KAT6B: variants seen among roughly 807,000 people sequenced by gnomAD.
KAT6B encodes the protein histone acetyltransferase KAT6B.
KAT6B carries 10 observed loss-of-function variants against 187.5 expected under a neutral mutation model. The observed-to-expected ratio is 0.05, with a 90% CI of 0.03 to 0.09. The LOEUF (loss-of-function observed/expected upper bound fraction) is 0.09, where lower values mean the gene tolerates loss of function less well. KAT6B is among the 10% of genes least tolerant of loss of function. The pLI is 1.00. For synonymous variants in KAT6B, 861 were observed against 926.8 expected, an observed-to-expected ratio of 0.93 and a Z score of 1.29; for missense variants, 1,952 against 2,558.9, an observed-to-expected ratio of 0.76 and a Z score of 5.12.
rs937708911 is a variant in KAT6B, at chr10:75,030,712, G to C, written c.5888G>C (p.Arg1963Thr). ...CCTGCACGGACTTTAACGATGCAAA[G>C]AGGCATGAACATGAGTGTGAACCTG... ...QGPARTLTMQ[R>T]GMNMSVNLMP... The change falls in exon 18 of 18, where the codon AGA becomes ACA. Residue 1963 changes from arginine (R) to threonine (T), a missense_variant. By Grantham distance (71) the Arg-to-Thr change is moderately conservative (BLOSUM62 -1). Transcript: ENST00000287239. The surrounding 1 kb of genome is among the most constrained non-coding windows in gnomAD (Gnocchi z 4.8). 2 of 1,614,232 alleles carry C rather than the reference G, an allele frequency of 1.2e-6. No individual in the cohort carries two copies. Among genetic ancestry groups the C allele is most frequent in the Non-Finnish European group, 1.7e-6 (2 of 1,180,040 alleles).
intron 3 of KAT6B, among the ~76,000 whole-genome samples, chr10:74,877,313 A>G (rs369447558): frequency 1.3e-5 from 2 of 152,220 alleles, no homozygotes; most frequent in Non-Finnish European, 2.9e-5. Context: ...TAAAAATCTC[A>G]GTTGAAGCTT....
Position 75,022,042 on chromosome 10 carries a change from G to C in KAT6B, c.3183G>C (p.Leu1061=), listed in dbSNP as rs775641543. The change falls in exon 16 of 18, where the codon CTG becomes CTC. Residue 1061 remains leucine (L), a synonymous_variant. Transcript: ENST00000287239. The part of the protein sequence containing the change: ...SRPVTGERGQ[L]LELSKESSEE... ...CAGTCACAGGGGAGCGAGGGCAGCT[G>C]CTGGAGCTGTCTAAAGAGAGCAGTG... 1 of 1,614,030 alleles carries C rather than the reference G, an allele frequency of 6.2e-7. No individual in the cohort carries two copies. The highest frequency in any genetic ancestry group is 1.7e-5 in the Admixed American group (1 of 60,006).
chr10:74,884,013 G>A (rs2132552576), intron 3 of KAT6B, among the ~76,000 whole-genome samples: 1 of 152,274 alleles, frequency 6.6e-6, no homozygotes, highest in South Asian at 2.1e-4. Context: ...TATTTTATCT[G>A]CTAAGAGACA....
At chr10:74,977,490 T>G in intron 9 of KAT6B, 53 bp downstream of exon 9, 4 of 1,596,060 alleles carry the variant, frequency 2.5e-6, no homozygotes, top group Middle Eastern at 1.7e-4. Flanking sequence ...GGCTTCTAAC[T>G]ATTAATATGG....
chr10:74,922,674 T>G lies in KAT6B; in HGVS notation c.622-37296T>G, dbSNP rs368402059. 2.7e-4 allele frequency among the ~76,000 whole-genome samples: 41 copies of G among 152,332 alleles called. 1 individual carries two copies. The South Asian group carries it at 8.5e-3, about 32-fold the overall frequency. ...GATCTGATTCTAATGTGACTTCAGT[T>G]TTTAACTTACATAGCGTTAAGCAAA... On this transcript the variant is annotated intron_variant, in intron 3 of 17. Transcript: ENST00000287239.
chr10:75,029,272 C>T lies in KAT6B; in HGVS notation c.4448C>T (p.Ala1483Val). 6.2e-7 allele frequency: 1 copy of T among 1,614,166 alleles called. No homozygotes were observed. The highest frequency in any genetic ancestry group is 8.5e-7 in the Non-Finnish European group (1 of 1,180,042). ...VLMDCGVDLT[A>V]SCNSEPKELA... ...ATGGACTGTGGCGTCGACCTGACAG[C>T]TTCTTGTAACAGTGAGCCCAAGGAG... The change falls in exon 18 of 18, where the codon GCT becomes GTT. Residue 1483 changes from alanine to valine, a missense_variant. Around this residue, in one of 9 missense-constraint regions of KAT6B, gnomAD observed 758 missense variants for 891.4 expected, o/e 0.85. Transcript: ENST00000287239. The surrounding 1 kb of genome is among the most constrained non-coding windows in gnomAD (Gnocchi z 6.2).
intron 3 of KAT6B, among the ~76,000 whole-genome samples, chr10:74,864,783 G>C (rs1027631235): frequency 6.6e-6 from 1 of 152,190 alleles, no homozygotes; most frequent in African/African-American, 2.4e-5. Flanking sequence ...AAAGTAAAGA[G>C]TAAAAGTTTT....
intron 16 of KAT6B, 63 bp downstream of exon 16, chr10:75,022,294 C>T: frequency 6.4e-7 from 1 of 1,563,278 alleles, no homozygotes; most frequent in Admixed American, 1.7e-5. Context: ...TCATTGCAGA[C>T]ATTCTGTCTA....
intron 3 of KAT6B, among the ~76,000 whole-genome samples, chr10:74,918,446 G>A (rs541691565): frequency 6.6e-6 from 1 of 152,248 alleles, no homozygotes; most frequent in East Asian, 1.9e-4. Context: ...TCTTGAAGGA[G>A]TAAAAGAATT....
Position 74,843,259 on chromosome 10 carries a change from A to C in KAT6B, c.402A>C (p.Arg134Ser). 1 of 1,614,156 alleles carries C rather than the reference A, an allele frequency of 6.2e-7. No individual in the cohort carries two copies. The highest frequency in any genetic ancestry group is 8.5e-7 in the Non-Finnish European group (1 of 1,180,034). ...SSLKNIEKYL[R>S]SQSDLTSTTN... Reference sequence around the variant, plus strand: ...TGAAGAACATAGAGAAGTATCTCAGAAGTCAAAGTGATCTCACAAGCACCA... The same window carrying C: ...TGAAGAACATAGAGAAGTATCTCAGCAGTCAAAGTGATCTCACAAGCACCA... The change falls in exon 3 of 18, where the codon AGA becomes AGC. Residue 134 changes from arginine (R) to serine (S), a missense_variant. Arg to Ser is a moderately radical substitution (Grantham distance 110, BLOSUM62 -1). Coordinates refer to ENST00000287239, the MANE Select transcript of KAT6B (RefSeq NM_012330.4).
At chr10:74,975,071 A>G (rs2133715607) in intron 7 of KAT6B, among the ~76,000 whole-genome samples, 1 of 152,340 alleles carries the variant, frequency 6.6e-6, no homozygotes, top group South Asian at 2.1e-4. Flanking sequence ...ACTTGTGACA[A>G]CACCAAAGGA....
rs766513519 is a variant in KAT6B at position 74,869,198 on chromosome 10, C to T, written c.621+25720C>T. Among the ~76,000 whole-genome samples, 59 of 152,044 alleles carry T rather than the reference C, an allele frequency of 3.9e-4. 1 individual carries two copies. Among genetic ancestry groups the T allele is most frequent in the Admixed American group, 5.9e-4 (9 of 15,256 alleles). ...TTATTTCCTTCCAGATTTGTTTATGCGCGTGTCCTTTCACACAACTATAAT... is the reference window on the plus strand; with the variant it reads ...TTATTTCCTTCCAGATTTGTTTATGTGCGTGTCCTTTCACACAACTATAAT... On this transcript the variant is annotated intron_variant, in intron 3 of 17. Coordinates refer to ENST00000287239, the MANE Select transcript of KAT6B (RefSeq NM_012330.4).
At chr10:74,927,186 T>TG (rs1179408991) in intron 3 of KAT6B, among the ~76,000 whole-genome samples, 1 of 152,220 alleles carries the variant, frequency 6.6e-6, no homozygotes, top group Non-Finnish European at 1.5e-5. Flanking sequence ...CTAGCACAGG[T>TG]GCTTGACAAA....
Position 75,022,976 on chromosome 10 carries a change from TC to T in KAT6B, c.3372+746del, listed in dbSNP as rs764419582. 6.8e-4 allele frequency among the ~76,000 whole-genome samples: 104 copies of T among 152,222 alleles called. 1 individual carries two copies. The highest frequency in any genetic ancestry group is 3.3e-4 in the Admixed American group (5 of 15,288). Reference sequence around the variant, plus strand: ...CAGTGCTCTTCATGCTGTTTCTTTCTCTTGTTCTTGGCACAGAATTGTTAGA... The same window carrying T: ...CAGTGCTCTTCATGCTGTTTCTTTCTTTGTTCTTGGCACAGAATTGTTAGA... On this transcript the variant is annotated intron_variant, in intron 16 of 17. Transcript: ENST00000287239.
At chr10:74,842,081 A>C (rs1841782253) in intron 2 of KAT6B, among the ~76,000 whole-genome samples, 1 of 152,188 alleles carries the variant, frequency 6.6e-6, no homozygotes, top group African/African-American at 2.4e-5. Context: ...ACCTCTGTTA[A>C]AGGGATGGGG....
intron 3 of KAT6B, among the ~76,000 whole-genome samples, chr10:74,848,265 C>G (rs578027455): frequency 1.3e-5 from 2 of 152,316 alleles, no homozygotes; most frequent in Non-Finnish European, 2.9e-5. Context: ...CTTGTCCAAC[C>G]CATGGCCCAT....
chr10:74,850,092 C>A (rs1269779470), intron 3 of KAT6B, among the ~76,000 whole-genome samples: 1 of 152,148 alleles, frequency 6.6e-6, no homozygotes, highest in African/African-American at 2.4e-5. Flanking sequence ...GCGCCCACCA[C>A]CACGCCCGGC....
At chr10:74,907,057 A>T (rs576876028) in intron 3 of KAT6B, among the ~76,000 whole-genome samples, 4 of 152,304 alleles carry the variant, frequency 2.6e-5, no homozygotes, top group Admixed American at 2.6e-4. Flanking sequence ...TTGAGATTCC[A>T]CTGTGATCAA....
chr10:74,961,762 T>C (rs1285239575), intron 4 of KAT6B, among the ~76,000 whole-genome samples: 1 of 152,260 alleles, frequency 6.6e-6, no homozygotes, highest in Non-Finnish European at 1.5e-5. Context: ...TGGTGTTTCT[T>C]ACTTTTCGCT....
Sources: allele counts gnomAD v4.1 joint callset (sites outside exome capture counted in the v4.1 genomes callset), GRCh38; gene constraint gnomAD v4.1.1; regional missense constraint gnomAD v4.1.1; non-coding constraint Gnocchi (gnomAD v3.1); transcripts MANE v1.5; gene names NCBI Gene and HGNC (gene_info 2026-07-23, HGNC 2026-07-21).